The following CFAP36 variants were observed in gnomAD, a reference collection of about 807,000 sequenced individuals.
CFAP36 encodes cilia and flagella associated protein 36, also known as cilia- and flagella-associated protein 36.
Under a neutral mutation model 50.5 loss-of-function variants are expected in CFAP36, and 37 were observed. The observed-to-expected ratio is 0.73, with a 90% CI of 0.56 to 0.96. The LOEUF (loss-of-function observed/expected upper bound fraction) is 0.96. Ranked by LOEUF, CFAP36 falls within the 50% of genes least tolerant of loss-of-function variation. CFAP36 has a pLI of 0.00. For missense variants in CFAP36, 407 were observed against 396.2 expected, an observed-to-expected ratio of 1.03 and a Z score of -0.23; for synonymous variants, 138 against 128.2, an observed-to-expected ratio of 1.08 and a Z score of -0.52.
chr2:55,521,013 C>A (rs1684048208), intron 1 of CFAP36, among the ~76,000 whole-genome samples: 3 of 152,096 alleles, frequency 2.0e-5, no homozygotes, highest in Admixed American at 2.0e-4. Flanking sequence ...TCCTGGATGA[C>A]CTTTTAAGAC....
At chr2:55,528,033 T>C (rs1159154568) in intron 3 of CFAP36, among the ~76,000 whole-genome samples, 1 of 151,584 alleles carries the variant, frequency 6.6e-6, no homozygotes, top group Non-Finnish European at 1.5e-5. Flanking sequence ...AGCAGGGTGA[T>C]GTGGTACACA....
chr2:55,529,421 CAA>C (rs562874118), intron 4 of CFAP36, among the ~76,000 whole-genome samples: 11 of 121,094 alleles, frequency 9.1e-5, no homozygotes, highest in African/African-American at 9.3e-5. Context: ...GACCCTGTCT[CAA>C]AAAAAAAAAA....
intron 7 of CFAP36, 124 bp from the exon 8 acceptor site, chr2:55,543,814 T>C (rs964502539): frequency 3.2e-6 from 3 of 931,240 alleles, no homozygotes; most frequent in South Asian, 3.1e-5. Flanking sequence ...TGAATATATG[T>C]TGACTGAATG....
chr2:55,523,394 G>A (rs1684123854), intron 2 of CFAP36, among the ~76,000 whole-genome samples: 1 of 151,878 alleles, frequency 6.6e-6, no homozygotes, highest in African/African-American at 2.4e-5. Flanking sequence ...CAGCCTGGGT[G>A]ACAGAGTGAG....
In CFAP36 at chr2:55,544,252, G is replaced by A; in HGVS notation, c.810G>A (p.Arg270=). The A allele has an allele frequency of 6.2e-7, 1 of 1,613,676 alleles. No individual in the cohort carries two copies. Among genetic ancestry groups the A allele is most frequent in the South Asian group, 1.1e-5 (1 of 90,990 alleles). Reference sequence around the variant, plus strand: ...CAGTACTTGGAACAGAAGAACTTCGGCAACGAGAACACTATCTCAAGCAGA... The same window carrying A: ...CAGTACTTGGAACAGAAGAACTTCGACAACGAGAACACTATCTCAAGCAGA... ...NLSVLGTEEL[R]QREHYLKQKR... is the part of the protein sequence containing the mutation. Residue 270 remains arginine (R), a synonymous_variant, in exon 9 of 10, where the codon CGG becomes CGA. Transcript: ENST00000349456.
At chr2:55,523,097 C>CAAAAA (rs1171309942) in intron 2 of CFAP36, among the ~76,000 whole-genome samples, 5 of 109,154 alleles carry the variant, frequency 4.6e-5, no homozygotes, top group Admixed American at 2.1e-4. Context: ...GACTCTGTCT[C>CAAAAA]AAAAAAAAAA....
chr2:55,538,761 A>T (rs1234574282), intron 7 of CFAP36: 420 of 1,436,302 alleles, frequency 2.9e-4, no homozygotes, highest in Admixed American at 1.1e-3. Context: ...TTTTTTTTTT[A>T]AAGAAATTCA....
rs139945164 is a variant in CFAP36, at chr2:55,538,609, A to T, written c.640+1024A>T. On this transcript the variant is annotated intron_variant, in intron 7 of 9. Coordinates refer to ENST00000349456, the MANE Select transcript of CFAP36 (RefSeq NM_080667.7). ...GTGCCTGGCTACTCTTATCTTTTTTAAAAAAATTATTTTTGTTGAGTCGGG... is the reference window on the plus strand; with the variant it reads ...GTGCCTGGCTACTCTTATCTTTTTTTAAAAAATTATTTTTGTTGAGTCGGG... Among the ~76,000 whole-genome samples the T allele has an allele frequency of 5.4e-4, 82 of 151,302 alleles. No individual in the cohort carries two copies. The South Asian group carries it at 7.9e-3, about 15-fold the overall frequency.
intron 2 of CFAP36, 61 bp from the exon 3 acceptor site, chr2:55,523,660 A>T: frequency 9.2e-7 from 1 of 1,092,400 alleles, no homozygotes; most frequent in Non-Finnish European, 1.3e-6. Flanking sequence ...AATACTTAAT[A>T]TGCAAACTGT....
chr2:55,541,408 C>G (rs1385550902), intron 7 of CFAP36, among the ~76,000 whole-genome samples: 3 of 152,208 alleles, frequency 2.0e-5, no homozygotes, highest in African/African-American at 7.2e-5. Flanking sequence ...TGTAGTTTTC[C>G]TCATATAGAT....
intron 7 of CFAP36, among the ~76,000 whole-genome samples, chr2:55,537,844 C>G (rs1364674733): frequency 6.6e-6 from 1 of 152,196 alleles, no homozygotes; most frequent in East Asian, 1.9e-4. Flanking sequence ...GAGGGAGTAA[C>G]TAGCCTTTGT....
At chr2:55,523,863 A>G (rs1246090317) in intron 3 of CFAP36, 41 bp downstream of exon 3, 3 of 1,314,288 alleles carry the variant, frequency 2.3e-6, no homozygotes, top group Non-Finnish European at 3.2e-6. Flanking sequence ...CAGTTTTAAC[A>G]AATGCCCAGG....
Position 55,544,918 on chromosome 2 carries a change from G to A in CFAP36, c.939G>A (p.Glu313=), listed in dbSNP as rs1292204374. ...KPTGEVEEMT[E]KPEMTAEEKQ... is the part of the protein sequence containing the mutation. ...TCTTTTTTTTTCAGGAAATGACAGA[G>A]AAACCAGAAATGACAGCAGAGGAGA... is the stretch of plus-strand genomic sequence containing the variant. Residue 313 remains glutamate, a synonymous_variant, in exon 10 of 10, where the codon GAG becomes GAA. Transcript: ENST00000349456. 1.9e-6 allele frequency: 3 copies of A among 1,591,032 alleles called. No homozygotes were observed. The highest frequency in any genetic ancestry group is 2.6e-6 in the Non-Finnish European group (3 of 1,172,210).
At chr2:55,542,167 G>C (rs1449027225) in intron 7 of CFAP36, among the ~76,000 whole-genome samples, 4 of 152,098 alleles carry the variant, frequency 2.6e-5, no homozygotes, top group African/African-American at 9.7e-5. Flanking sequence ...TTTAAATCTT[G>C]TGTCTAACAT....
rs199849988 is a variant in CFAP36, at chr2:55,527,348, C to T, written c.283-1530C>T. On this transcript the variant is annotated intron_variant, in intron 3 of 9. Transcript: ENST00000349456. Reference sequence around the variant, plus strand: ...CTGTAATCCCAGAACTTTGGGAGGCCGAGGTGGGTGGATCACTTGAGGTCA... The same window carrying T: ...CTGTAATCCCAGAACTTTGGGAGGCTGAGGTGGGTGGATCACTTGAGGTCA... Among the ~76,000 whole-genome samples, 464 of 151,880 alleles carry T rather than the reference C, an allele frequency of 3.1e-3. 4 individuals carry two copies. The East Asian group carries it at 0.036, about 12-fold the overall frequency.
At chr2:55,523,071 C>A (rs1206698179) in intron 2 of CFAP36, among the ~76,000 whole-genome samples, 1 of 140,252 alleles carries the variant, frequency 7.1e-6, no homozygotes, top group Non-Finnish European at 1.5e-5. Context: ...GTACTCCAGT[C>A]TGGACAACAG....
chr2:55,525,918 C>T (rs902833758), intron 3 of CFAP36, among the ~76,000 whole-genome samples: 3 of 152,174 alleles, frequency 2.0e-5, no homozygotes, highest in Non-Finnish European at 2.9e-5. Flanking sequence ...TGAGCCACCA[C>T]GCCCTGCTGC....
chr2:55,533,057 A>G (rs1684391294), intron 4 of CFAP36, among the ~76,000 whole-genome samples: 1 of 152,228 alleles, frequency 6.6e-6, no homozygotes, highest in Non-Finnish European at 1.5e-5. Flanking sequence ...GCTTAACACC[A>G]TGGTTTTATT....
At position 55,533,966 on chromosome 2, in the gene CFAP36, ATTCTTTAATTGT is replaced by A. The variant is rs1334766625; in HGVS notation, c.485+9_485+20del. On this transcript the variant is annotated splice_region_variant and intron_variant, in intron 5 of 9. Coordinates refer to ENST00000349456, the MANE Select transcript of CFAP36 (RefSeq NM_080667.7). Reference sequence around the variant, plus strand: ...ATCCTGAGGGAAGTTCTTAGGTACCATTCTTTAATTGTTTTTTAAATGAATCATTATTAATAT... The same window carrying A: ...ATCCTGAGGGAAGTTCTTAGGTACCATTTTTAAATGAATCATTATTAATAT... 6.5e-7 allele frequency: 1 copy of A among 1,547,346 alleles called. No homozygotes were observed. The highest frequency in any genetic ancestry group is 8.9e-7 in the Non-Finnish European group (1 of 1,123,938).
Sources: allele counts gnomAD v4.1 joint callset (sites outside exome capture counted in the v4.1 genomes callset), GRCh38; gene constraint gnomAD v4.1.1; transcripts MANE v1.5; gene names NCBI Gene and HGNC (gene_info 2026-07-23, HGNC 2026-07-21).